EXOC6B: variants seen among roughly 807,000 people sequenced by gnomAD.
The protein encoded by EXOC6B is exocyst complex component 6B, also known as SEC15 homolog B.
A neutral mutation model predicts 113.5 loss-of-function variants in EXOC6B; 54 were observed. The ratio of observed to expected loss-of-function variants is 0.48; its 90% CI spans 0.38 to 0.60. The LOEUF is 0.60. EXOC6B is among the 20% of genes least tolerant of loss of function. EXOC6B has a pLI of 0.00. For synonymous variants in EXOC6B, 357 were observed against 339.0 expected (o/e 1.05, Z -0.58); for missense variants, 797 against 977.5 (o/e 0.82, Z 2.46).
rs539351923 is a variant in EXOC6B at position 72,583,609 on chromosome 2, C to T, written c.670-7941G>A. Among the ~76,000 whole-genome samples the T allele has an allele frequency of 2.6e-5, 4 of 152,292 alleles. No individual in the cohort carries two copies. In the South Asian group the frequency reaches 8.3e-4, roughly 32 times the overall value. On this transcript the variant is annotated intron_variant, in intron 6 of 21. Transcript: ENST00000272427. ...AGAATTTGATATCCAGCCAATTAAA[C>T]TTCATAAGCAAAGGAGAAATAAAAT...
chr2:72,802,101 G>T (rs920024375), intron 1 of EXOC6B, among the ~76,000 whole-genome samples: 20 of 152,276 alleles, frequency 1.3e-4, no homozygotes, highest in Non-Finnish European at 2.6e-4. Context: ...AAGGCAGGCG[G>T]ATCACAAGGT....
intron 7 of EXOC6B, among the ~76,000 whole-genome samples, chr2:72,573,960 C>G (rs1382325933): frequency 6.6e-6 from 1 of 151,736 alleles, no homozygotes; most frequent in Admixed American, 6.6e-5. Context: ...CTAAAAAATA[C>G]AAAAAATTCA....
intron 20 of EXOC6B, among the ~76,000 whole-genome samples, chr2:72,297,259 T>G (rs1448162525): frequency 6.6e-6 from 1 of 152,166 alleles, no homozygotes; most frequent in Non-Finnish European, 1.5e-5. Flanking sequence ...TAGGTAAACT[T>G]GTGTCACAGG....
chr2:72,220,632 CTTA>C (rs1258805769), intron 20 of EXOC6B, among the ~76,000 whole-genome samples: 1 of 152,082 alleles, frequency 6.6e-6, no homozygotes, highest in African/African-American at 2.4e-5. Flanking sequence ...TTATAACAAG[CTTA>C]TTATATTGCA....
intron 6 of EXOC6B, among the ~76,000 whole-genome samples, chr2:72,578,127 C>G (rs1223043380): frequency 7.2e-5 from 11 of 152,076 alleles, no homozygotes; most frequent in African/African-American, 2.7e-4. Context: ...TTTCCTATTA[C>G]TAATGTGTGT....
chr2:72,351,316 C>T (rs955776631), intron 19 of EXOC6B, among the ~76,000 whole-genome samples: 3 of 152,136 alleles, frequency 2.0e-5, no homozygotes, highest in Admixed American at 6.5e-5. Flanking sequence ...TACAATTAAA[C>T]GGTTCATAGT....
intron 20 of EXOC6B, among the ~76,000 whole-genome samples, chr2:72,237,241 T>G (rs1423343455): frequency 2.6e-5 from 4 of 152,216 alleles, no homozygotes; most frequent in African/African-American, 7.2e-5. Context: ...ATCACTTAGA[T>G]GTCAATTTGT....
intron 6 of EXOC6B, among the ~76,000 whole-genome samples, chr2:72,683,068 G>A (rs1040642877): frequency 6.6e-6 from 1 of 152,148 alleles, no homozygotes; most frequent in Non-Finnish European, 1.5e-5. Context: ...CAAAGGAACA[G>A]CAATAATGTC....
At chr2:72,672,440 C>A (rs965006121) in intron 6 of EXOC6B, among the ~76,000 whole-genome samples, 109 of 150,518 alleles carry the variant, frequency 7.2e-4, no homozygotes, top group African/African-American at 2.6e-3. Flanking sequence ...ACCATCCTGG[C>A]TAACACGGTG....
At chr2:72,477,686 A>C (rs1448816856) in intron 17 of EXOC6B, among the ~76,000 whole-genome samples, 1 of 152,236 alleles carries the variant, frequency 6.6e-6, no homozygotes, top group African/African-American at 2.4e-5. Flanking sequence ...GGCCAGAAAT[A>C]ATTTAACTCC....
chr2:72,500,809 C>T (rs1291724500), intron 11 of EXOC6B, among the ~76,000 whole-genome samples: 1 of 152,102 alleles, frequency 6.6e-6, no homozygotes, highest in Non-Finnish European at 1.5e-5. Flanking sequence ...TTGTTACTTG[C>T]TCTCTCATTG....
intron 18 of EXOC6B, among the ~76,000 whole-genome samples, chr2:72,438,005 C>A (rs1378179675): frequency 6.6e-6 from 1 of 152,112 alleles, no homozygotes; most frequent in East Asian, 1.9e-4. Context: ...GAGAAGCAAT[C>A]TCATTTTTAT....
chr2:72,754,787 A>T (rs1396106), intron 1 of EXOC6B, among the ~76,000 whole-genome samples: 139,082 of 151,210 alleles, frequency 0.92, 64,045 homozygotes, highest in East Asian at 0.99. Context: ...CTAATTTTTT[A>T]AAATTTTTTT....
intron 7 of EXOC6B, among the ~76,000 whole-genome samples, chr2:72,565,184 T>G (rs1034154745): frequency 2.6e-5 from 4 of 151,778 alleles, no homozygotes; most frequent in Non-Finnish European, 5.9e-5. Context: ...AACCCATCTC[T>G]ACAAAAAATT....
At chr2:72,811,192 T>C (rs560758946) in intron 1 of EXOC6B, among the ~76,000 whole-genome samples, 28 of 152,186 alleles carry the variant, frequency 1.8e-4, no homozygotes, top group African/African-American at 6.7e-4. Flanking sequence ...ACACCTGTAA[T>C]CCCAGCTACT....
rs545737166 is a variant in EXOC6B, at chr2:72,825,596, CT to C, written c.113+201del. ...CCCCGAGGGAGGCAGCGGGAGGGTCCTGAGTCACTGGGCTGTAGGGCGCCGG... is the reference window on the plus strand; with the variant it reads ...CCCCGAGGGAGGCAGCGGGAGGGTCCGAGTCACTGGGCTGTAGGGCGCCGG... On this transcript the variant is annotated intron_variant, in intron 1 of 21. Transcript: ENST00000272427. The surrounding 1 kb of genome is among the most constrained non-coding windows in gnomAD (Gnocchi z 4.4). Among the ~76,000 whole-genome samples, 575 of 152,316 alleles carry C rather than the reference CT, an allele frequency of 3.8e-3. No individual in the cohort carries two copies. The highest frequency in any genetic ancestry group is 5.8e-3 in the Non-Finnish European group (394 of 68,032).
intron 20 of EXOC6B, among the ~76,000 whole-genome samples, chr2:72,230,999 G>A (rs1681583726): frequency 6.6e-6 from 1 of 152,162 alleles, no homozygotes; most frequent in East Asian, 1.9e-4. Flanking sequence ...AACAGCTAGA[G>A]ATAAAGAATA....
chr2:72,487,699 T>C (rs892833336), intron 16 of EXOC6B, among the ~76,000 whole-genome samples: 2 of 152,256 alleles, frequency 1.3e-5, no homozygotes, highest in Admixed American at 6.5e-5. Context: ...AACTATGTTA[T>C]AGCATGTCTT....
At chr2:72,315,561 C>T (rs753063712) in intron 20 of EXOC6B, among the ~76,000 whole-genome samples, 12 of 151,824 alleles carry the variant, frequency 7.9e-5, no homozygotes, top group East Asian at 3.9e-4. Flanking sequence ...AAAGCTATTG[C>T]GAGAATACTT....
Sources: gnomAD v4.1 joint callset for allele counts (sites outside exome capture counted in the v4.1 genomes callset) on GRCh38, gnomAD v4.1.1 for gene constraint, Gnocchi (gnomAD v3.1) non-coding constraint, MANE v1.5 for transcripts, NCBI Gene and HGNC (gene_info 2026-07-23, HGNC 2026-07-21) for gene names.